The following FHIP1A variants were observed in gnomAD, a reference collection of about 807,000 sequenced individuals.
FHIP1A encodes the protein FHF complex subunit HOOK-interacting protein 1A.
In FHIP1A, 61 loss-of-function variants were observed where a neutral mutation model predicts 88.6. The ratio of observed to expected loss-of-function variants is 0.69; its 90% CI spans 0.56 to 0.85. The LOEUF is 0.85. Ranked by LOEUF, FHIP1A falls within the 40% of genes least tolerant of loss-of-function variation. The probability of loss-of-function intolerance (pLI) is 0.00; values close to 1 mark genes in which losing one functional copy is unlikely to be tolerated. For missense variants in FHIP1A, 1,154 were observed against 1,273.5 expected (o/e 0.91, Z 1.43); for synonymous variants, 478 against 496.0 (o/e 0.96, Z 0.48).
intron 2 of FHIP1A, among the ~76,000 whole-genome samples, chr4:151,477,361 G>A (rs1372815197): frequency 1.3e-5 from 2 of 152,084 alleles, no homozygotes; most frequent in African/African-American, 2.4e-5. Context: ...CAAATGTTAA[G>A]CCAAAAATCA....
intron 3 of FHIP1A, among the ~76,000 whole-genome samples, chr4:151,502,799 A>G (rs1730698408): frequency 6.6e-6 from 1 of 152,236 alleles, no homozygotes; most frequent in Non-Finnish European, 1.5e-5. Context: ...AAGGACAACT[A>G]AAAACACTCT....
intron 3 of FHIP1A, among the ~76,000 whole-genome samples, chr4:151,510,943 A>T (rs1420014549): frequency 6.6e-6 from 1 of 152,228 alleles, no homozygotes; most frequent in African/African-American, 2.4e-5. Context: ...GAGATAACTA[A>T]GTTGAATTTC....
At chr4:151,478,982 C>T (rs1729806166) in intron 2 of FHIP1A, among the ~76,000 whole-genome samples, 1 of 151,994 alleles carries the variant, frequency 6.6e-6, no homozygotes, top group African/African-American at 2.4e-5. Flanking sequence ...TTGAGACCCT[C>T]CCAAAGTCAT....
Position 151,612,055 on chromosome 4 carries a change from C to T in FHIP1A, c.979-17647C>T, listed in dbSNP as rs532525117. 9.9e-5 allele frequency among the ~76,000 whole-genome samples: 15 copies of T among 152,264 alleles called. No homozygotes were observed. In the South Asian group the frequency reaches 2.7e-3, roughly 27 times the overall value. ...CAGAGATTATCTAGTTCCAGTTCCTCATTTTTCAGACAAAGGCATTGAGGA... is the reference window on the plus strand; with the variant it reads ...CAGAGATTATCTAGTTCCAGTTCCTTATTTTTCAGACAAAGGCATTGAGGA... On this transcript the variant is annotated intron_variant, in intron 7 of 13. Coordinates refer to ENST00000435205, the MANE Select transcript of FHIP1A (RefSeq NM_001109977.3).
intron 7 of FHIP1A, among the ~76,000 whole-genome samples, chr4:151,589,479 G>A (rs1224329809): frequency 1.3e-5 from 2 of 152,104 alleles, no homozygotes; most frequent in African/African-American, 2.4e-5. Context: ...TAAATCAACT[G>A]ATATCTTTTC....
At chr4:151,422,799 A>G (rs1391339853) in intron 1 of FHIP1A, among the ~76,000 whole-genome samples, 6 of 152,300 alleles carry the variant, frequency 3.9e-5, no homozygotes, top group African/African-American at 2.4e-5. Context: ...GGAATTGGAG[A>G]TACAAGCGTG....
chr4:151,609,382 G>A (rs1735208196), intron 7 of FHIP1A, among the ~76,000 whole-genome samples: 1 of 152,078 alleles, frequency 6.6e-6, no homozygotes, highest in Non-Finnish European at 1.5e-5. Flanking sequence ...GAAAGATGAT[G>A]TACCCAGACA....
chr4:151,661,102 TG>T (rs1467330528), intron 13 of FHIP1A, among the ~76,000 whole-genome samples: 1 of 150,854 alleles, frequency 6.6e-6, no homozygotes, highest in African/African-American at 2.4e-5. Context: ...GGTCTCGGTC[TG>T]GGAGTAGGTC....
intron 8 of FHIP1A, 55 bp downstream of exon 8, chr4:151,629,924 G>GTT: frequency 5.3e-6 from 7 of 1,312,034 alleles, no homozygotes; most frequent in South Asian, 1.5e-5. Context: ...TTTCAGGAGA[G>GTT]TTTTTTTTTG....
intron 7 of FHIP1A, among the ~76,000 whole-genome samples, chr4:151,596,519 G>A (rs889227685): frequency 5.3e-5 from 8 of 152,098 alleles, no homozygotes; most frequent in Non-Finnish European, 1.2e-4. Context: ...CTCTTCTCGA[G>A]ATGTATCTTT....
At chr4:151,619,926 C>A (rs1735672798) in intron 7 of FHIP1A, among the ~76,000 whole-genome samples, 2 of 152,066 alleles carry the variant, frequency 1.3e-5, no homozygotes, top group Non-Finnish European at 2.9e-5. Context: ...ACTCACTAGC[C>A]AAAACATACA....
At chr4:151,608,559 C>T (rs1020467088) in intron 7 of FHIP1A, among the ~76,000 whole-genome samples, 4 of 152,276 alleles carry the variant, frequency 2.6e-5, no homozygotes, top group Non-Finnish European at 5.9e-5. Flanking sequence ...GCACATGAGC[C>T]GGCACCCAGG....
chr4:151,605,419 C>T (rs1244185337), intron 7 of FHIP1A, among the ~76,000 whole-genome samples: 1 of 152,186 alleles, frequency 6.6e-6, no homozygotes, highest in Non-Finnish European at 1.5e-5. Flanking sequence ...AGCTCACAGG[C>T]ATTCGCAATG....
chr4:151,449,241 A>G (rs952581112), intron 1 of FHIP1A, among the ~76,000 whole-genome samples: 5 of 152,052 alleles, frequency 3.3e-5, no homozygotes, highest in African/African-American at 9.7e-5. Flanking sequence ...CATATTTTAT[A>G]TGTTATTTTA....
intron 1 of FHIP1A, among the ~76,000 whole-genome samples, chr4:151,415,151 T>C (rs1188083636): frequency 6.6e-6 from 1 of 151,636 alleles, no homozygotes; most frequent in Non-Finnish European, 1.5e-5. Context: ...ACTGGCTGTA[T>C]AGTAATGCAT....
intron 1 of FHIP1A, among the ~76,000 whole-genome samples, chr4:151,438,760 G>A (rs1728302499): frequency 6.6e-6 from 1 of 151,786 alleles, no homozygotes; most frequent in African/African-American, 2.4e-5. Flanking sequence ...TCCCACCTCA[G>A]CCTCCCTAGT....
intron 5 of FHIP1A, among the ~76,000 whole-genome samples, chr4:151,583,019 T>A (rs192931144): frequency 2.6e-5 from 4 of 152,318 alleles, no homozygotes; most frequent in Admixed American, 1.3e-4. Flanking sequence ...GTAATTATCT[T>A]TCTTGCCTGT....
rs141672269 is a variant in FHIP1A, at chr4:151,654,411, AGCACAGTCTGGGACTGGGGAAG to A, written c.2552-1798_2552-1777del. Reference sequence around the variant, plus strand: ...TCAGCAGTTTAGAGTTTGTAGGCCAAGCACAGTCTGGGACTGGGGAAGGCACAGTCTGGGACTGGGGAAGAGA... The same window carrying A: ...TCAGCAGTTTAGAGTTTGTAGGCCAAGCACAGTCTGGGACTGGGGAAGAGA... On this transcript the variant is annotated intron_variant, in intron 11 of 13. Transcript: ENST00000435205. Among the ~76,000 whole-genome samples the A allele has an allele frequency of 8.6e-3, 1,310 of 152,202 alleles. 16 individuals are homozygous for A. The highest frequency in any genetic ancestry group is 0.03 in the African/African-American group (1,249 of 41,500).
chr4:151,651,100 T>C (rs1009515764), intron 11 of FHIP1A, among the ~76,000 whole-genome samples: 2 of 152,086 alleles, frequency 1.3e-5, no homozygotes, highest in Admixed American at 6.5e-5. Context: ...ATCAGAGGCA[T>C]TGGGGTTAGC....
Sources: gnomAD v4.1 joint callset for allele counts (sites outside exome capture counted in the v4.1 genomes callset) on GRCh38, gnomAD v4.1.1 for gene constraint, MANE v1.5 for transcripts, NCBI Gene and HGNC (gene_info 2026-07-23, HGNC 2026-07-21) for gene names.